The following HDAC4 variants were observed in gnomAD, a reference collection of about 807,000 sequenced individuals.
HDAC4 encodes histone deacetylase 4.
HDAC4 carries 16 observed loss-of-function variants against 135.1 expected under a neutral mutation model. The ratio of observed to expected loss-of-function variants is 0.12; its 90% CI spans 0.08 to 0.18. The LOEUF (loss-of-function observed/expected upper bound fraction) is 0.18. Ranked by LOEUF, HDAC4 falls within the 10% of genes least tolerant of loss-of-function variation. The pLI is 1.00. For synonymous variants in HDAC4, 685 were observed against 653.4 expected, an observed-to-expected ratio of 1.05 and a Z score of -0.74; for missense variants, 1,143 against 1,511.8, an observed-to-expected ratio of 0.76 and a Z score of 4.05.
intron 2 of HDAC4, among the ~76,000 whole-genome samples, chr2:239,261,559 G>T (rs377048340): frequency 5.6e-4 from 86 of 152,312 alleles, no homozygotes; most frequent in African/African-American, 1.9e-3. Context: ...TTACTAGCCT[G>T]CCAGCCAGCA....
rs559115511 is a variant in HDAC4 at position 239,306,380 on chromosome 2, G to A, written c.22+46298C>T. Among the ~76,000 whole-genome samples, 29 of 152,194 alleles carry A rather than the reference G, an allele frequency of 1.9e-4. No individual in the cohort carries two copies. The highest frequency in any genetic ancestry group is 7.0e-4 in the African/African-American group (29 of 41,516). On this transcript the variant is annotated intron_variant, in intron 2 of 26. Transcript: ENST00000543185. This position sits in a 1 kb window ranked among gnomAD's most constrained non-coding sequence, Gnocchi z 4.5. ...GAGGACACAGCCTTCCAGTGGACACGAGGACCTCAGAGGCCACCTGGCCAG... is the reference window on the plus strand; with the variant it reads ...GAGGACACAGCCTTCCAGTGGACACAAGGACCTCAGAGGCCACCTGGCCAG...
intron 15 of HDAC4, among the ~76,000 whole-genome samples, chr2:239,103,953 G>A (rs1330016462): frequency 6.6e-6 from 1 of 152,284 alleles, no homozygotes; most frequent in East Asian, 1.9e-4. Context: ...GGTGCGCTGG[G>A]CAGGGACGGA....
At chr2:239,360,994 T>TC (rs1693831355) in intron 1 of HDAC4, among the ~76,000 whole-genome samples, 1 of 152,166 alleles carries the variant, frequency 6.6e-6, no homozygotes, top group African/African-American at 2.4e-5. Context: ...CACACCCACG[T>TC]CCCACCTCCC....
At chr2:239,092,166 G>C (rs1468730986) in intron 17 of HDAC4, among the ~76,000 whole-genome samples, 2 of 151,980 alleles carry the variant, frequency 1.3e-5, no homozygotes, top group Non-Finnish European at 2.9e-5. Flanking sequence ...TTGAGCCCAG[G>C]AGGTCGAGGC....
intron 12 of HDAC4, among the ~76,000 whole-genome samples, chr2:239,125,595 CTGTGGGG>C (rs2040128926): frequency 6.6e-6 from 1 of 152,042 alleles, no homozygotes; most frequent in East Asian, 1.9e-4. Context: ...GGCCGCAGAG[CTGTGGGG>C]CCATGTGGTG....
rs146234402 is a variant in HDAC4, at chr2:239,262,470, C to T, written c.23-25806G>A. Among the ~76,000 whole-genome samples, 14 of 152,310 alleles carry T rather than the reference C, an allele frequency of 9.2e-5. No individual in the cohort carries two copies. Among genetic ancestry groups the T allele is most frequent in the Admixed American group, 3.9e-4 (6 of 15,300 alleles). On this transcript the variant is annotated intron_variant, in intron 2 of 26. Transcript: ENST00000543185. The surrounding 1 kb of genome is among the most constrained non-coding windows in gnomAD (Gnocchi z 4.1). Reference sequence around the variant, plus strand: ...AGATAGAAATTTAATTAGAAACAGACGAGGATCTTCTCAAATCACCCTTGC... The same window carrying T: ...AGATAGAAATTTAATTAGAAACAGATGAGGATCTTCTCAAATCACCCTTGC...
intron 15 of HDAC4, among the ~76,000 whole-genome samples, chr2:239,107,228 G>A (rs778890550): frequency 2.0e-5 from 3 of 152,328 alleles, no homozygotes; most frequent in African/African-American, 7.2e-5. Flanking sequence ...TGCGGCCCCC[G>A]TCCTGCCCTC....
At chr2:239,348,381 A>C (rs1224569103) in intron 2 of HDAC4, among the ~76,000 whole-genome samples, 1 of 152,238 alleles carries the variant, frequency 6.6e-6, no homozygotes, top group East Asian at 1.9e-4. Flanking sequence ...CGGAAGGGAA[A>C]GTAAATGACA....
chr2:239,063,612 A>G (rs558434052), intron 24 of HDAC4, among the ~76,000 whole-genome samples: 1 of 151,926 alleles, frequency 6.6e-6, no homozygotes, highest in South Asian at 2.1e-4. Flanking sequence ...CCAACAGACC[A>G]CCTCAGGCCT....
intron 17 of HDAC4, chr2:239,094,203 A>G (rs2036780293): frequency 1.0e-6 from 1 of 985,222 alleles, no homozygotes; most frequent in African/African-American, 1.7e-5. Context: ...ATCTGCTCGG[A>G]CGCTCCGCCT....
At chr2:239,095,410 A>G (rs1243116311) in intron 16 of HDAC4, among the ~76,000 whole-genome samples, 1 of 152,172 alleles carries the variant, frequency 6.6e-6, no homozygotes, top group African/African-American at 2.4e-5. Context: ...GGCTGTATCT[A>G]ACAGCAAATC....
chr2:239,207,205 GA>G (rs2046098976), intron 3 of HDAC4, among the ~76,000 whole-genome samples: 2 of 151,814 alleles, frequency 1.3e-5, no homozygotes, highest in Non-Finnish European at 2.9e-5. Flanking sequence ...GAATAAGAAT[GA>G]AAAAAATACA....
intron 1 of HDAC4, among the ~76,000 whole-genome samples, chr2:239,355,794 T>G (rs1452731901): frequency 6.6e-6 from 1 of 152,180 alleles, no homozygotes; most frequent in East Asian, 1.9e-4. Context: ...TCCTACCCTG[T>G]TCTGTGTTCA....
rs144762543 is a variant in HDAC4, at chr2:239,285,087, C to T, written c.23-48423G>A. Among the ~76,000 whole-genome samples, 41 of 152,338 alleles carry T rather than the reference C, an allele frequency of 2.7e-4. No individual in the cohort carries two copies. The highest frequency in any genetic ancestry group is 9.6e-4 in the African/African-American group (40 of 41,568). ...AAATAAAATACATCCCACCCCACAC[C>T]TAGACAATCTACAGTCTACCTTCAT... On this transcript the variant is annotated intron_variant, in intron 2 of 26. Coordinates refer to ENST00000543185, the MANE Select transcript of HDAC4 (RefSeq NM_001378414.1). The surrounding 1 kb of genome is among the most constrained non-coding windows in gnomAD (Gnocchi z 4.5).
intron 2 of HDAC4, among the ~76,000 whole-genome samples, chr2:239,264,017 G>A (rs1235589033): frequency 6.6e-6 from 1 of 152,134 alleles, no homozygotes; most frequent in Non-Finnish European, 1.5e-5. Flanking sequence ...GACCTTTGGG[G>A]TGGGGGCCAT....
chr2:239,204,897 G>A (rs982529823), intron 3 of HDAC4, among the ~76,000 whole-genome samples: 3 of 152,118 alleles, frequency 2.0e-5, no homozygotes, highest in South Asian at 4.1e-4. Context: ...GCCCCCAACA[G>A]AGCTAACCCC....
At chr2:239,317,247 G>A (rs1320083839) in intron 2 of HDAC4, among the ~76,000 whole-genome samples, 2 of 152,148 alleles carry the variant, frequency 1.3e-5, no homozygotes, top group African/African-American at 4.8e-5. Flanking sequence ...AATGTGAAAG[G>A]AGAAGGCCAG....
chr2:239,253,746 G>GA lies in HDAC4; in HGVS notation c.23-17083dup, dbSNP rs377009571. ...AGAGAAGACCCCAATTACCAGAAAGGAAAGAAAGCAAACGGCCCTCTGAGC... is the reference window on the plus strand; with the variant it reads ...AGAGAAGACCCCAATTACCAGAAAGGAAAAGAAAGCAAACGGCCCTCTGAGC... On this transcript the variant is annotated intron_variant, in intron 2 of 26. Coordinates refer to ENST00000543185, the MANE Select transcript of HDAC4 (RefSeq NM_001378414.1). 2.3e-3 allele frequency among the ~76,000 whole-genome samples: 355 copies of GA among 152,262 alleles called. 4 individuals are homozygous for GA. The highest frequency in any genetic ancestry group is 8.4e-3 in the African/African-American group (349 of 41,558).
At chr2:239,324,984 T>G (rs2053428534) in intron 2 of HDAC4, among the ~76,000 whole-genome samples, 1 of 152,174 alleles carries the variant, frequency 6.6e-6, no homozygotes. Context: ...TTACAGCAGC[T>G]AAAGGCAAGC....
Sources: gnomAD v4.1 joint callset for allele counts (sites outside exome capture counted in the v4.1 genomes callset) on GRCh38, gnomAD v4.1.1 for gene constraint, Gnocchi (gnomAD v3.1) non-coding constraint, MANE v1.5 for transcripts, NCBI Gene and HGNC (gene_info 2026-07-23, HGNC 2026-07-21) for gene names.